DCDC1: variants seen among roughly 807,000 people sequenced by gnomAD.
DCDC1 encodes doublecortin domain-containing protein 1.
A neutral mutation model predicts 178.3 loss-of-function variants in DCDC1; 200 were observed. The observed-to-expected ratio is 1.12, with a 90% CI of 1.00 to 1.26. The LOEUF is 1.26. DCDC1 is among the 50% of genes most tolerant of loss of function. DCDC1 has a pLI of 0.00. For synonymous variants in DCDC1, 690 were observed against 604.8 expected (o/e 1.14, Z -2.07); for missense variants, 1,983 against 1,749.2 (o/e 1.13, Z -2.38).
intron 21 of DCDC1, among the ~76,000 whole-genome samples, chr11:30,936,470 C>T (rs1253720724): frequency 2.0e-5 from 3 of 152,144 alleles, no homozygotes; most frequent in African/African-American, 4.8e-5. Context: ...AATTTGTAAA[C>T]CTTCCATAAT....
chr11:31,309,614 T>C (rs1046740736), intron 3 of DCDC1, among the ~76,000 whole-genome samples: 1 of 152,180 alleles, frequency 6.6e-6, no homozygotes, highest in African/African-American at 2.4e-5. Context: ...AAATAGTTAC[T>C]TGAAGAGCAG....
At chr11:30,937,281 G>C (rs977827239) in intron 21 of DCDC1, among the ~76,000 whole-genome samples, 2 of 152,084 alleles carry the variant, frequency 1.3e-5, no homozygotes, top group Non-Finnish European at 2.9e-5. Context: ...TGGTGAATTA[G>C]GGAGGAGCGA....
chr11:31,094,136 T>C lies in DCDC1; in HGVS notation c.2032A>G (p.Ser678Gly). The change falls in exon 16 of 39, where the codon AGT becomes GGT. Residue 678 changes from serine (S) to glycine (G), a missense_variant. Physicochemically the swap from Ser to Gly is moderately conservative, Grantham distance 56 (BLOSUM62 0). Transcript: ENST00000684477. ...LHASVSIGKW[S>G]FSGSEASSRS... is the part of the protein sequence containing the mutation. ...CTGCTTGCTTCACTGCCTGAGAAAC[T>C]CCACTTTCCAATGGAAACAGAGGCA... 1 of 766,116 alleles carries C rather than the reference T, an allele frequency of 1.3e-6. No individual in the cohort carries two copies. The highest frequency in any genetic ancestry group is 2.4e-6 in the Non-Finnish European group (1 of 417,802). The allele number at this position is 766,116 out of a possible 1,614,324, so 47.5% of individuals were successfully genotyped here. A position where few individuals can be genotyped will look rare whatever the true frequency, so the allele number is the denominator to read the frequency against.
chr11:31,118,038 A>T (rs1960230573), intron 11 of DCDC1, among the ~76,000 whole-genome samples: 1 of 152,106 alleles, frequency 6.6e-6, no homozygotes, highest in African/African-American at 2.4e-5. Context: ...GCACCAATAT[A>T]TTTATTTTTA....
chr11:31,039,109 A>G (rs951119993), intron 20 of DCDC1, among the ~76,000 whole-genome samples: 1 of 152,280 alleles, frequency 6.6e-6, no homozygotes, highest in Non-Finnish European at 1.5e-5. Flanking sequence ...TATGATAAAA[A>G]TTATTTCCAA....
At chr11:30,999,265 A>G (rs181719875) in intron 20 of DCDC1, among the ~76,000 whole-genome samples, 1 of 152,286 alleles carries the variant, frequency 6.6e-6, no homozygotes, top group East Asian at 1.9e-4. Context: ...GGTTAATACT[A>G]TTGTACCAAC....
Position 31,069,185 on chromosome 11 carries a change from G to A in DCDC1, c.2299-4032C>T, listed in dbSNP as rs868185749. 1.5e-3 allele frequency among the ~76,000 whole-genome samples: 234 copies of A among 151,894 alleles called. 2 individuals are homozygous for A. Among genetic ancestry groups the A allele is most frequent in the African/African-American group, 5.1e-3 (211 of 41,420 alleles). Reference sequence around the variant, plus strand: ...ATTTTTTCTAATATTAATTTTTATCGCATATTATAAAAATTAATACTTTAA... The same window carrying A: ...ATTTTTTCTAATATTAATTTTTATCACATATTATAAAAATTAATACTTTAA... On this transcript the variant is annotated intron_variant, in intron 18 of 38. Coordinates refer to ENST00000684477, the MANE Select transcript of DCDC1 (RefSeq NM_001387274.1).
chr11:30,930,297 A>G (rs950600293), intron 22 of DCDC1, among the ~76,000 whole-genome samples: 2 of 152,130 alleles, frequency 1.3e-5, no homozygotes, highest in African/African-American at 4.8e-5. Flanking sequence ...CCACCCTGCA[A>G]TGTAACCCAA....
In DCDC1 at chr11:31,305,683, A is replaced by G. The variant is rs1445665530; in HGVS notation, c.686T>C (p.Ile229Thr). The G allele has an allele frequency of 1.2e-6, 2 of 1,613,906 alleles. No individual in the cohort carries two copies. Among genetic ancestry groups the G allele is most frequent in the Non-Finnish European group, 1.7e-6 (2 of 1,179,878 alleles). The change falls in exon 6 of 39, where the codon ATA becomes ACA. Residue 229 changes from isoleucine to threonine, a missense_variant. Coordinates refer to ENST00000684477, the MANE Select transcript of DCDC1 (RefSeq NM_001387274.1). ...AACATAAACATCGGCTTCATGGGGT[A>G]TATCTTCAGGTTCGAGGGCTTCCTT... Reference protein sequence around the residue: ...DGKEALEPEDIPHEADVYVST... With the variant: ...DGKEALEPEDTPHEADVYVST...
intron 9 of DCDC1, among the ~76,000 whole-genome samples, chr11:31,168,006 G>A (rs1966853304): frequency 6.6e-6 from 1 of 152,162 alleles, no homozygotes; most frequent in Non-Finnish European, 1.5e-5. Context: ...TGCACTCATA[G>A]GCACACACAT....
intron 20 of DCDC1, among the ~76,000 whole-genome samples, chr11:31,056,181 C>T (rs1484474112): frequency 1.3e-5 from 2 of 151,252 alleles, no homozygotes; most frequent in African/African-American, 2.4e-5. Context: ...ACAGCAGTCA[C>T]TAAAAATAAT....
At position 30,929,338 on chromosome 11, in the gene DCDC1, T is replaced by G. The variant is rs1485050027; in HGVS notation, c.2897+2433A>C. The stretch of plus-strand genomic sequence containing the variant: ...GATAATCATGAAACTGAATGATAGG[T>G]GCTGTACTGGTGGAAGGCCCAGGGC... On this transcript the variant is annotated intron_variant, in intron 22 of 38. Transcript: ENST00000684477. 3.3e-5 allele frequency among the ~76,000 whole-genome samples: 5 copies of G among 152,090 alleles called. No homozygotes were observed. The East Asian group carries it at 7.7e-4, about 23-fold the overall frequency.
intron 21 of DCDC1, among the ~76,000 whole-genome samples, chr11:30,949,640 T>C (rs1590498929): frequency 6.6e-6 from 1 of 151,870 alleles, no homozygotes; most frequent in Admixed American, 6.6e-5. Context: ...ATAAAGAAAA[T>C]GTGGCACATA....
chr11:31,079,219 CT>C, intron 17 of DCDC1, among the ~76,000 whole-genome samples: 1 of 152,216 alleles, frequency 6.6e-6, no homozygotes, highest in African/African-American at 2.4e-5. Flanking sequence ...TCAATCATGC[CT>C]CCATAAAAAT....
At chr11:31,233,891 T>C (rs1270989808) in intron 9 of DCDC1, among the ~76,000 whole-genome samples, 1 of 152,220 alleles carries the variant, frequency 6.6e-6, no homozygotes, top group African/African-American at 2.4e-5. Flanking sequence ...GATGTAGCTA[T>C]TGAGTAATCA....
intron 9 of DCDC1, among the ~76,000 whole-genome samples, chr11:31,192,593 T>C (rs900389945): frequency 6.6e-6 from 1 of 152,130 alleles, no homozygotes; most frequent in Non-Finnish European, 1.5e-5. Context: ...CCTTCTCTGA[T>C]GATATGCATA....
At chr11:31,362,013 C>T (rs80088927) in intron 1 of DCDC1, among the ~76,000 whole-genome samples, 9 of 152,278 alleles carry the variant, frequency 5.9e-5, no homozygotes, top group Non-Finnish European at 1.3e-4. Flanking sequence ...CATTTGGCTA[C>T]ACTTTCCTAC....
intron 20 of DCDC1, among the ~76,000 whole-genome samples, chr11:30,985,029 T>C (rs1190257271): frequency 6.6e-6 from 1 of 152,204 alleles, no homozygotes; most frequent in Non-Finnish European, 1.5e-5. Context: ...AGATGATTCC[T>C]TCATTTCTGA....
intron 25 of DCDC1, among the ~76,000 whole-genome samples, chr11:30,919,258 T>A (rs1162811188): frequency 3.3e-5 from 5 of 152,060 alleles, no homozygotes; most frequent in African/African-American, 1.2e-4. Flanking sequence ...AATAATAAGA[T>A]GGAGATGGTC....
Sources: gnomAD v4.1 joint callset for allele counts (sites outside exome capture counted in the v4.1 genomes callset) on GRCh38, gnomAD v4.1.1 for gene constraint, MANE v1.5 for transcripts, NCBI Gene and HGNC (gene_info 2026-07-23, HGNC 2026-07-21) for gene names.